The following ZNF534 variants were observed in gnomAD, a reference collection of about 807,000 sequenced individuals.
The protein encoded by ZNF534 is KRAB domain only 3.
In ZNF534, 19 loss-of-function variants were observed where a neutral mutation model predicts 13.6. The observed-to-expected ratio is 1.40, with a 90% CI of 0.97 to 2.05. The LOEUF (loss-of-function observed/expected upper bound fraction) is 2.05, where lower values mean the gene tolerates loss of function less well. ZNF534 is among the 30% of genes most tolerant of loss of function. The pLI, the probability that ZNF534 is intolerant of heterozygous loss-of-function variation, is 0.00. For synonymous variants in ZNF534, 244 were observed against 273.8 expected (o/e 0.89, Z 1.07); for missense variants, 782 against 796.3 (o/e 0.98, Z 0.22).
At chr19:52,444,489 A>AGGT (rs2059187285), downstream of ZNF534, among the ~76,000 whole-genome samples, 1 of 152,040 alleles carries the variant, frequency 6.6e-6, no homozygotes, top group Non-Finnish European at 1.5e-5. Flanking sequence ...TCCTGCTAGG[A>AGGT]GGTGGTGCTT....
rs912657590 is a variant in ZNF534, at chr19:52,435,107, A to T, written c.169A>T (p.Thr57Ser). Residue 57 changes from threonine (T) to serine (S), a missense_variant, in exon 4 of 5, where the codon ACC (threonine) becomes TCC (serine). This residue lies in a region of ZNF534 where 30 missense variants were observed against 55.4 expected (regional missense o/e 0.54). Coordinates refer to ENST00000433050, the MANE Select transcript of ZNF534 (RefSeq NM_001143938.3). ...AATCTGTCTTCCTGACCTGAGTGTT[A>T]CCTCCATGTTGGAGCAAAAGAGAGA... ...LGICLPDLSV[T>S]SMLEQKRDPW... The T allele has an allele frequency of 1.9e-6, 3 of 1,613,018 alleles. No individual in the cohort carries two copies. In the African/African-American group the frequency reaches 4.0e-5, roughly 22 times the overall value.
downstream of ZNF534, among the ~76,000 whole-genome samples, chr19:52,443,038 T>C (rs1473490462): frequency 6.6e-6 from 1 of 152,230 alleles, no homozygotes; most frequent in Non-Finnish European, 1.5e-5. Context: ...TGTTAGGTAT[T>C]GATTACGTGG....
intron 3 of ZNF534, 104 bp from the exon 4 acceptor site, chr19:52,434,977 A>G: frequency 7.9e-6 from 11 of 1,385,644 alleles, no homozygotes; most frequent in Middle Eastern, 1.9e-4. Context: ...AATTTGTGAA[A>G]TATTATTCTT....
At chr19:52,437,671 C>G in intron 4 of ZNF534, 61 bp from the exon 5 acceptor site, 1 of 1,443,218 alleles carries the variant, frequency 6.9e-7, no homozygotes, top group East Asian at 2.3e-5. Flanking sequence ...ATCTTGTTTT[C>G]TGTCAGACTT....
At chr19:52,442,972 G>C (rs1483250838), downstream of ZNF534, among the ~76,000 whole-genome samples, 1 of 152,064 alleles carries the variant, frequency 6.6e-6, no homozygotes, top group African/African-American at 2.4e-5. Context: ...ATAAATAACT[G>C]TAAAATAGAG....
intron 2 of ZNF534, among the ~76,000 whole-genome samples, chr19:52,433,575 C>A (rs754185031): frequency 6.6e-6 from 1 of 152,174 alleles, no homozygotes; most frequent in South Asian, 2.1e-4. Context: ...ACCGTGTTGG[C>A]CAAGATGGTC....
At chr19:52,446,089 G>A (rs1487712695), downstream of ZNF534, among the ~76,000 whole-genome samples, 1 of 152,142 alleles carries the variant, frequency 6.6e-6, no homozygotes, top group Non-Finnish European at 1.5e-5. Context: ...GTTGATATAA[G>A]ATGGTCAACT....
chr19:52,433,481 C>A (rs1440362558), intron 2 of ZNF534, among the ~76,000 whole-genome samples: 1 of 152,060 alleles, frequency 6.6e-6, no homozygotes, highest in Non-Finnish European at 1.5e-5. Context: ...ATTCTCCTGC[C>A]TCAGCCTCCT....
chr19:52,451,432 G>A lies in ZNF534; in HGVS notation c.517G>A (p.Ala173Thr), dbSNP rs903769232. The A allele has an allele frequency of 7.4e-6, 5 of 672,300 alleles. No homozygotes were observed. In the Admixed American group the frequency reaches 1.2e-4, roughly 16 times the overall value. 41.6% of individuals were successfully genotyped at this position (672,300 alleles called of 1,614,324 possible). A position where few individuals can be genotyped will look rare whatever the true frequency, so the allele number is the denominator to read the frequency against. The change falls in exon 5 of 5, where the codon GCG becomes ACG. Residue 173 changes from alanine (A) to threonine (T), a missense_variant. Coordinates refer to the ZNF534 transcript ENST00000301085. ...CGGGCCCGCCCCTCGGCCGCGCAGT[G>A]CGGCGCCGCACGCCCCGGACGCTGT...
intron 2 of ZNF534, among the ~76,000 whole-genome samples, chr19:52,433,236 C>CAAAAAAAA (rs1171627054): frequency 1.6e-3 from 103 of 64,494 alleles, no homozygotes; most frequent in Non-Finnish European, 2.0e-3. Context: ...GATCCTATCT[C>CAAAAAAAA]AAAAAAAAAA....
Position 52,438,574 on chromosome 19 carries a change from C to G in ZNF534, c.1114C>G (p.His372Asp), listed in dbSNP as rs201395526. Residue 372 changes from histidine to aspartate, a missense_variant, in exon 5 of 5, where the codon CAT (histidine) becomes GAT (aspartate). His to Asp is a moderately conservative substitution (Grantham distance 81). Transcript: ENST00000433050. ...GFSRIAFLAR[H>D]RKVHTGEKPY... The stretch of plus-strand genomic sequence containing the variant: ...TAGTCGAATTGCATTCCTTGCAAGG[C>G]ATCGGAAAGTTCATACTGGAGAGAA... 1,363 of 1,582,520 alleles carry G rather than the reference C, an allele frequency of 8.6e-4. 1 individual carries two copies. The highest frequency in any genetic ancestry group is 1.1e-3 in the Non-Finnish European group (1,239 of 1,162,784).
In ZNF534 at chr19:52,442,019, C is replaced by T. The variant is rs2059176021; in HGVS notation, c.*2573C>T. Among the ~76,000 whole-genome samples the T allele has an allele frequency of 6.7e-6, 1 of 148,382 alleles. No homozygotes were observed. The highest frequency in any genetic ancestry group is 2.2e-4 in the South Asian group (1 of 4,560). ...ATGTAATGTATGTGGCACAGGCTTT[C>T]CTGAGGCCTGCCAAATCACTAGAAA... is the stretch of plus-strand genomic sequence containing the variant. On this transcript the variant is annotated 3_prime_UTR_variant, in exon 5 of 5. Transcript: ENST00000433050.
At chr19:52,429,829 A>G (rs2059075194) in intron 1 of ZNF534, among the ~76,000 whole-genome samples, 1 of 151,942 alleles carries the variant, frequency 6.6e-6, no homozygotes, top group African/African-American at 2.4e-5. Context: ...TCCTGACCTC[A>G]GGTGATCTGC....
Position 52,434,046 on chromosome 19 carries a change from T to C in ZNF534, c.107T>C (p.Val36Ala), listed in dbSNP as rs767465182. ...DPGQKALYRD[V>A]MLENYRNLVS... ...GGGCAGAAAGCTTTATACAGGGACG[T>C]GATGTTAGAGAACTACAGGAACCTG... The change falls in exon 3 of 5, where the codon GTG (valine) becomes GCG (alanine). Residue 36 changes from valine to alanine, a missense_variant. Around this residue, in one of 5 missense-constraint regions of ZNF534, gnomAD observed 81 missense variants for 63.5 expected, o/e 1.28. Transcript: ENST00000433050. The C allele has an allele frequency of 1.9e-5, 30 of 1,614,004 alleles. No individual in the cohort carries two copies. Among genetic ancestry groups the C allele is most frequent in the Non-Finnish European group, 2.5e-5 (29 of 1,180,034 alleles).
At chr19:52,450,697 G>GT (rs1185132836) in intron 4 of ZNF534, among the ~76,000 whole-genome samples, 18 of 24,050 alleles carry the variant, frequency 7.5e-4, no homozygotes, top group East Asian at 2.1e-3. Flanking sequence ...TTTTGTTTTT[G>GT]TTTTTTTTTT....
chr19:52,433,953 A>C lies in ZNF534; in HGVS notation c.16-2A>C, dbSNP rs1302750381. ...GTTTTTGAAATGTGGATTTCCTTTT[A>C]GGGGCAATTGTCATTCAGCGATGTG... is the stretch of plus-strand genomic sequence containing the variant. On this transcript the variant is annotated splice_acceptor_variant, in intron 2 of 4. Coordinates refer to ENST00000433050, the MANE Select transcript of ZNF534 (RefSeq NM_001143938.3). LOFTEE classifies it high-confidence loss of function. 6.2e-7 allele frequency: 1 copy of C among 1,613,686 alleles called. No individual in the cohort carries two copies. The highest frequency in any genetic ancestry group is 8.5e-7 in the Non-Finnish European group (1 of 1,179,794).
rs988562286 is a variant in ZNF534, at chr19:52,433,846, G to A, written c.16-109G>A. 2.4e-6 allele frequency: 3 copies of A among 1,224,814 alleles called. No homozygotes were observed. In the East Asian group the frequency reaches 7.2e-5, roughly 29 times the overall value. The allele number at this position is 1,224,814 out of a possible 1,614,324, so 75.9% of individuals were successfully genotyped here. On this transcript the variant is annotated intron_variant, in intron 2 of 4. Coordinates refer to ENST00000433050, the MANE Select transcript of ZNF534 (RefSeq NM_001143938.3). ...CTCAAGAATCCTTTAATGTGGATTT[G>A]GCGCAGTGCTCGCTTCAGTGGAGTG...
chr19:52,450,001 A>G (rs2059207490), intron 4 of ZNF534, among the ~76,000 whole-genome samples: 1 of 152,166 alleles, frequency 6.6e-6, no homozygotes, highest in Non-Finnish European at 1.5e-5. Context: ...GGCCTGGGCT[A>G]CAGAGTGAGA....
In ZNF534 at chr19:52,442,310, G is replaced by A. The variant is rs773461018; in HGVS notation, c.*2864G>A. On this transcript the variant is annotated 3_prime_UTR_variant, in exon 5 of 5. Coordinates refer to ENST00000433050, the MANE Select transcript of ZNF534 (RefSeq NM_001143938.3). Reference sequence around the variant, plus strand: ...CTGGCCCACCCAGGGCAGAAAAACCGCTTAAGGCGTTCCAGAACCACAAAT... The same window carrying A: ...CTGGCCCACCCAGGGCAGAAAAACCACTTAAGGCGTTCCAGAACCACAAAT... Among the ~76,000 whole-genome samples the A allele has an allele frequency of 5.3e-4, 80 of 152,328 alleles. No individual in the cohort carries two copies. The highest frequency in any genetic ancestry group is 1.0e-3 in the Non-Finnish European group (70 of 68,024).
Sources: gnomAD v4.1 joint callset for allele counts (sites outside exome capture counted in the v4.1 genomes callset) on GRCh38, gnomAD v4.1.1 for gene constraint, gnomAD v4.1.1 regional missense constraint, MANE v1.5 for transcripts, NCBI Gene and HGNC (gene_info 2026-07-23, HGNC 2026-07-21) for gene names.